The following OPCML variants were observed in gnomAD, a reference collection of about 807,000 sequenced individuals.
The protein encoded by OPCML is opioid-binding protein/cell adhesion molecule.
A neutral mutation model predicts 37.8 loss-of-function variants in OPCML; 13 were observed. The ratio of observed to expected loss-of-function variants is 0.34; its 90% CI spans 0.22 to 0.55. OPCML has a LOEUF of 0.55. Among genes scored for constraint, OPCML ranks in the 20% least tolerant of loss-of-function variants. The pLI is 0.91. For missense variants in OPCML, 341 were observed against 435.6 expected, an observed-to-expected ratio of 0.78 and a Z score of 1.93; for synonymous variants, 176 against 168.8, an observed-to-expected ratio of 1.04 and a Z score of -0.33.
intron 2 of OPCML, among the ~76,000 whole-genome samples, chr11:132,841,640 T>A (rs1018024776): frequency 2.0e-5 from 3 of 151,768 alleles, no homozygotes; most frequent in African/African-American, 7.3e-5. Flanking sequence ...TCCCAGCATG[T>A]TGGGAGGTCA....
At chr11:133,180,867 G>A (rs1937794658) in intron 1 of OPCML, among the ~76,000 whole-genome samples, 1 of 151,018 alleles carries the variant, frequency 6.6e-6, no homozygotes, top group Non-Finnish European at 1.5e-5. Context: ...TGGGGATGAG[G>A]GAAAGTAGGA....
chr11:133,333,467 T>A lies in OPCML; in HGVS notation c.61+198797A>T, dbSNP rs183968717. 5.3e-5 allele frequency among the ~76,000 whole-genome samples: 8 copies of A among 152,302 alleles called. No individual in the cohort carries two copies. The East Asian group carries it at 1.5e-3, about 29-fold the overall frequency. ...TGCAGAAGATTGAAGCTGGACCGCT[T>A]CCTTACACGCTACACAAAAATCAAC... is the stretch of plus-strand genomic sequence containing the variant. On this transcript the variant is annotated intron_variant, in intron 1 of 7. Transcript: ENST00000524381.
chr11:132,823,734 A>G (rs1010318103), intron 2 of OPCML, among the ~76,000 whole-genome samples: 8 of 151,994 alleles, frequency 5.3e-5, no homozygotes, highest in African/African-American at 1.4e-4. Flanking sequence ...CTCTCAATCC[A>G]TCTTCTCTTG....
chr11:133,328,731 G>A (rs1165615999), intron 1 of OPCML, among the ~76,000 whole-genome samples: 2 of 152,130 alleles, frequency 1.3e-5, no homozygotes, highest in Non-Finnish European at 2.9e-5. Flanking sequence ...ATATCATACT[G>A]AATGGGCAAA....
At chr11:132,711,463 T>C (rs1944260052) in intron 2 of OPCML, among the ~76,000 whole-genome samples, 1 of 152,236 alleles carries the variant, frequency 6.6e-6, no homozygotes, top group Non-Finnish European at 1.5e-5. Context: ...AAATTTAACA[T>C]GAGTTGCGTG....
chr11:133,285,248 C>G (rs960209856), intron 1 of OPCML, among the ~76,000 whole-genome samples: 1 of 152,106 alleles, frequency 6.6e-6, no homozygotes, highest in Admixed American at 6.5e-5. Flanking sequence ...ATGCAGTGAG[C>G]TAGATGAAGC....
intron 1 of OPCML, among the ~76,000 whole-genome samples, chr11:133,512,285 G>A (rs971288709): frequency 2.6e-5 from 4 of 152,148 alleles, no homozygotes; most frequent in Admixed American, 6.5e-5. Context: ...TTACTAGAGC[G>A]GCTCACAAAA....
At chr11:132,916,909 T>A (rs1341654127) in intron 2 of OPCML, among the ~76,000 whole-genome samples, 1 of 152,150 alleles carries the variant, frequency 6.6e-6, no homozygotes, top group Non-Finnish European at 1.5e-5. Context: ...GAAATTAAAC[T>A]TTCACTAAGG....
chr11:133,070,417 C>T (rs1424328262), intron 1 of OPCML, among the ~76,000 whole-genome samples: 2 of 152,146 alleles, frequency 1.3e-5, no homozygotes, highest in Non-Finnish European at 2.9e-5. Flanking sequence ...TCCATTTAGG[C>T]TCAAGATTTC....
chr11:132,592,069 T>C (rs1335440721), intron 3 of OPCML, among the ~76,000 whole-genome samples: 1 of 152,228 alleles, frequency 6.6e-6, no homozygotes, highest in Non-Finnish European at 1.5e-5. Context: ...ACAGAAAATG[T>C]GTGTGATATA....
chr11:133,358,381 C>T (rs1209844032), intron 1 of OPCML, among the ~76,000 whole-genome samples: 1 of 152,190 alleles, frequency 6.6e-6, no homozygotes, highest in Admixed American at 6.5e-5. Context: ...TCTCAGCAAC[C>T]AAAGCATGCC....
At position 133,096,481 on chromosome 11, in the gene OPCML, A is replaced by G. The variant is rs777446466; in HGVS notation, c.62-153471T>C. ...GAAGACAAAAAAATAGGAACAAAGA[A>G]TAAGGGCAACAAATGCAAAATAGTG... On this transcript the variant is annotated intron_variant, in intron 1 of 7. Coordinates refer to ENST00000524381, the MANE Select transcript of OPCML (RefSeq NM_001012393.5). Among the ~76,000 whole-genome samples the G allele has an allele frequency of 2.2e-4, 33 of 152,014 alleles. 1 individual carries two copies. The highest frequency in any genetic ancestry group is 4.6e-4 in the African/African-American group (19 of 41,426).
At chr11:133,503,324 C>T (rs1253995850) in intron 1 of OPCML, among the ~76,000 whole-genome samples, 1 of 152,128 alleles carries the variant, frequency 6.6e-6, no homozygotes, top group Non-Finnish European at 1.5e-5. Context: ...GCAAAGGCTG[C>T]CTTTGAGAAG....
chr11:132,748,236 G>A (rs912577124), intron 2 of OPCML, among the ~76,000 whole-genome samples: 1 of 152,100 alleles, frequency 6.6e-6, no homozygotes, highest in Non-Finnish European at 1.5e-5. Flanking sequence ...TTGGAAGCCA[G>A]TTGATTTCAT....
In OPCML at chr11:132,942,403, C is replaced by G. The variant is rs1447632548; in HGVS notation, c.146+523G>C. On this transcript the variant is annotated intron_variant, in intron 2 of 7. Transcript: ENST00000524381. ...ATTTACAATAGGGACCCTAGGAGCA[C>G]TACACCAGGTTTGGCACGAGTGCTG... 2.0e-5 allele frequency among the ~76,000 whole-genome samples: 3 copies of G among 152,328 alleles called. No individual in the cohort carries two copies. The East Asian group carries it at 5.8e-4, about 29-fold the overall frequency.
At chr11:133,520,315 T>G (rs1211741887) in intron 1 of OPCML, among the ~76,000 whole-genome samples, 2 of 152,064 alleles carry the variant, frequency 1.3e-5, no homozygotes, top group Non-Finnish European at 1.5e-5. Flanking sequence ...AGCTGGGTCT[T>G]TTTCTGAGGC....
At chr11:133,448,712 G>A (rs760252624) in intron 1 of OPCML, among the ~76,000 whole-genome samples, 9 of 152,212 alleles carry the variant, frequency 5.9e-5, no homozygotes, top group Non-Finnish European at 1.2e-4. Flanking sequence ...CCGCCTCAGC[G>A]TCCCGAAGTG....
At chr11:132,919,121 T>C (rs1419985591) in intron 2 of OPCML, among the ~76,000 whole-genome samples, 1 of 152,198 alleles carries the variant, frequency 6.6e-6, no homozygotes, top group Non-Finnish European at 1.5e-5. Flanking sequence ...GTTGGGCCTA[T>C]AGCCTTAAGC....
chr11:132,969,065 T>C (rs1026759994), intron 1 of OPCML, among the ~76,000 whole-genome samples: 2 of 152,154 alleles, frequency 1.3e-5, no homozygotes, highest in Non-Finnish European at 2.9e-5. Context: ...CAGAGCGCTA[T>C]ACACTCAACC....
Sources: allele counts gnomAD v4.1 joint callset (sites outside exome capture counted in the v4.1 genomes callset), GRCh38; gene constraint gnomAD v4.1.1; transcripts MANE v1.5; gene names NCBI Gene and HGNC (gene_info 2026-07-23, HGNC 2026-07-21).